Variants in PPARD observed in about 807,000 individuals in gnomAD.
PPARD encodes peroxisome proliferator-activated receptor delta.
In PPARD, 6 loss-of-function variants were observed where a neutral mutation model predicts 39.5. That is an observed-to-expected ratio of 0.15 (90% CI 0.08 to 0.30). PPARD has a LOEUF of 0.30. Ranked by LOEUF, PPARD falls within the 10% of genes least tolerant of loss-of-function variation. The probability of loss-of-function intolerance (pLI) is 1.00; values close to 1 mark genes in which losing one functional copy is unlikely to be tolerated. For missense variants in PPARD, 397 were observed against 596.8 expected, an observed-to-expected ratio of 0.67 and a Z score of 3.49; for synonymous variants, 210 against 231.3, an observed-to-expected ratio of 0.91 and a Z score of 0.83.
At chr6:35,407,535 G>A (rs1047368547) in intron 2 of PPARD, among the ~76,000 whole-genome samples, 6 of 152,010 alleles carry the variant, frequency 3.9e-5, no homozygotes, top group African/African-American at 1.5e-4. Context: ...TCTGGTACTT[G>A]TTATTTGGAT....
chr6:35,380,422 G>A (rs939542217), intron 2 of PPARD, among the ~76,000 whole-genome samples: 3 of 150,390 alleles, frequency 2.0e-5, no homozygotes, highest in African/African-American at 4.9e-5. Context: ...TGTGACTGAG[G>A]GAAAGTTAAT....
At chr6:35,411,517 A>G (rs1319929854) in intron 3 of PPARD, among the ~76,000 whole-genome samples, 1 of 152,192 alleles carries the variant, frequency 6.6e-6, no homozygotes, top group African/African-American at 2.4e-5. Context: ...ACATGTCATC[A>G]TCATTATTAG....
chr6:35,361,778 G>A (rs1489898774), intron 2 of PPARD, among the ~76,000 whole-genome samples: 1 of 152,198 alleles, frequency 6.6e-6, no homozygotes, highest in Non-Finnish European at 1.5e-5. Flanking sequence ...CTGGCTTTTG[G>A]ATATGAGCTC....
At chr6:35,392,038 G>A (rs372598046) in intron 2 of PPARD, among the ~76,000 whole-genome samples, 2 of 152,020 alleles carry the variant, frequency 1.3e-5, no homozygotes, top group South Asian at 2.1e-4. Flanking sequence ...GGCCCTGACA[G>A]GTGAGAGGGA....
intron 3 of PPARD, among the ~76,000 whole-genome samples, chr6:35,413,989 T>TGGTG (rs1765593270): frequency 1.3e-5 from 2 of 152,126 alleles, no homozygotes; most frequent in Admixed American, 1.3e-4. Context: ...AAGTGTGCAT[T>TGGTG]TCTTTTACCC....
At chr6:35,367,848 C>A (rs1762287828) in intron 2 of PPARD, among the ~76,000 whole-genome samples, 1 of 152,226 alleles carries the variant, frequency 6.6e-6, no homozygotes, top group Non-Finnish European at 1.5e-5. Context: ...CAGAACATCA[C>A]CTCAATCATG....
chr6:35,368,043 G>A (rs773531754), intron 2 of PPARD, among the ~76,000 whole-genome samples: 1 of 152,202 alleles, frequency 6.6e-6, no homozygotes, highest in Non-Finnish European at 1.5e-5. Context: ...ATGCCATACT[G>A]CATCCCTTTC....
In PPARD at chr6:35,401,795, A is replaced by G. The variant is rs573966891; in HGVS notation, c.-101-9192A>G. ...TGGCACATGGTGGTAGGTACTTGAC[A>G]AATATTTGTTGAACAAGTGAATGAA... On this transcript the variant is annotated intron_variant, in intron 2 of 7. Coordinates refer to ENST00000360694, the MANE Select transcript of PPARD (RefSeq NM_006238.5). This position sits in a 1 kb window ranked among gnomAD's most constrained non-coding sequence, Gnocchi z 4.1. 6.6e-6 allele frequency among the ~76,000 whole-genome samples: 1 copy of G among 152,318 alleles called. No homozygotes were observed. The highest frequency in any genetic ancestry group is 2.1e-4 in the South Asian group (1 of 4,828).
chr6:35,422,044 G>A (rs1231924073), intron 5 of PPARD, 86 bp downstream of exon 5: 2 of 1,457,316 alleles, frequency 1.4e-6, no homozygotes, highest in East Asian at 4.8e-5. Context: ...GCAGCCTAGA[G>A]GGGGCACCTG....
At chr6:35,396,362 G>A (rs1376506302) in intron 2 of PPARD, among the ~76,000 whole-genome samples, 4 of 150,810 alleles carry the variant, frequency 2.7e-5, no homozygotes, top group Non-Finnish European at 4.4e-5. Context: ...CCGCCACCAC[G>A]CCTGGCCAAT....
chr6:35,356,133 G>T (rs748057170), intron 2 of PPARD, among the ~76,000 whole-genome samples: 4 of 152,112 alleles, frequency 2.6e-5, no homozygotes, highest in Non-Finnish European at 1.5e-5. Context: ...GCCAAGTGGT[G>T]TGGGAAACTG....
At chr6:35,414,584 C>G (rs754912496) in intron 3 of PPARD, among the ~76,000 whole-genome samples, 4 of 152,118 alleles carry the variant, frequency 2.6e-5, no homozygotes, top group Non-Finnish European at 5.9e-5. Context: ...GTAGCCCTCG[C>G]CAGTGCCATC....
intron 2 of PPARD, among the ~76,000 whole-genome samples, chr6:35,356,617 C>T (rs913546977): frequency 3.9e-5 from 6 of 152,170 alleles, no homozygotes; most frequent in African/African-American, 1.4e-4. Context: ...CTTGTATGGG[C>T]TGTTTGTGCA....
At chr6:35,381,011 T>C (rs1041143704) in intron 2 of PPARD, among the ~76,000 whole-genome samples, 1 of 152,130 alleles carries the variant, frequency 6.6e-6, no homozygotes, top group Non-Finnish European at 1.5e-5. Context: ...GGCTCCACTT[T>C]CCTTTGCTCC....
At chr6:35,346,332 A>T (rs1315125419) in intron 1 of PPARD, among the ~76,000 whole-genome samples, 1 of 151,996 alleles carries the variant, frequency 6.6e-6, no homozygotes, top group African/African-American at 2.4e-5. Context: ...ACTGCTCAGC[A>T]TTGCCCACAC....
chr6:35,419,489 A>T (rs1035638589), intron 3 of PPARD, among the ~76,000 whole-genome samples: 6 of 152,166 alleles, frequency 3.9e-5, no homozygotes, highest in African/African-American at 1.4e-4. Context: ...AACTTGGAGA[A>T]ATTCAGTGTG....
intron 2 of PPARD, among the ~76,000 whole-genome samples, chr6:35,394,774 G>GC (rs1212813677): frequency 1.1e-3 from 153 of 138,296 alleles, no homozygotes; most frequent in South Asian, 4.9e-3. Context: ...CTGTCTCCCC[G>GC]CCCCCCCCAC....
intron 2 of PPARD, among the ~76,000 whole-genome samples, chr6:35,361,714 A>G (rs968389565): frequency 4.6e-5 from 7 of 152,090 alleles, no homozygotes; most frequent in African/African-American, 1.4e-4. Flanking sequence ...CTTCTGGCCT[A>G]AGGATGCCTG....
chr6:35,389,593 G>A (rs919404813), intron 2 of PPARD, among the ~76,000 whole-genome samples: 1 of 151,952 alleles, frequency 6.6e-6, no homozygotes, highest in African/African-American at 2.4e-5. Flanking sequence ...GATTACAGGC[G>A]TGAGCCACCG....
Sources: gnomAD v4.1 joint callset for allele counts (sites outside exome capture counted in the v4.1 genomes callset) on GRCh38, gnomAD v4.1.1 for gene constraint, Gnocchi (gnomAD v3.1) non-coding constraint, MANE v1.5 for transcripts, NCBI Gene and HGNC (gene_info 2026-07-23, HGNC 2026-07-21) for gene names.